Variants in MROH1 observed in about 807,000 individuals in gnomAD.
The protein encoded by MROH1 is maestro heat-like repeat-containing protein family member 1.
MROH1 carries 117 observed loss-of-function variants against 116.5 expected under a neutral mutation model. That is an observed-to-expected ratio of 1.00 (90% CI 0.86 to 1.17). The LOEUF is 1.17. MROH1 is among the 50% of genes most tolerant of loss of function. The probability of loss-of-function intolerance (pLI) is 0.00; values close to 1 mark genes in which losing one functional copy is unlikely to be tolerated. For synonymous variants in MROH1, 921 were observed against 583.9 expected (o/e 1.58, Z -8.32); for missense variants, 1,873 against 1,338.5 (o/e 1.40, Z -6.23).
chr8:144,192,402 G>C lies in MROH1; in HGVS notation c.948+1G>C. The C allele has an allele frequency of 2.5e-6, 4 of 1,584,196 alleles. No homozygotes were observed. The highest frequency in any genetic ancestry group is 3.4e-6 in the Non-Finnish European group (4 of 1,169,960). On this transcript the variant is annotated splice_donor_variant, in intron 10 of 43. Transcript: ENST00000326134. LOFTEE classifies it high-confidence loss of function. The stretch of plus-strand genomic sequence containing the variant: ...CCTCTTGGCTGCACTGCACTCCCAG[G>C]TAGGAGGCGGGCGTCAGGGGGCGGG...
Position 144,241,531 on chromosome 8 carries a change from C to T in MROH1, c.2178+14C>T, listed in dbSNP as rs1477225227. On this transcript the variant is annotated intron_variant, in intron 22 of 43. Transcript: ENST00000326134. ...AACATTTTTAAGGTTAGGGTGACAC[C>T]GGTGCAGGGCTGGGGACGGCTGTCT... 6.4e-6 allele frequency: 5 copies of T among 777,954 alleles called. No individual in the cohort carries two copies. The highest frequency in any genetic ancestry group is 2.4e-5 in the East Asian group (1 of 41,232). The allele number at this position is 777,954 out of a possible 1,614,324, so 48.2% of individuals were successfully genotyped here. A position where few individuals can be genotyped will look rare whatever the true frequency, so the allele number is the denominator to read the frequency against.
chr8:144,251,039 G>A (rs905504836), intron 33 of MROH1: 2 of 167,294 alleles, frequency 1.2e-5, no homozygotes, highest in East Asian at 1.7e-4. Flanking sequence ...TGTGACCTCC[G>A]GGAGACTCCA....
chr8:144,165,350 C>A (rs1211139293), intron 3 of MROH1, among the ~76,000 whole-genome samples: 1 of 152,002 alleles, frequency 6.6e-6, no homozygotes, highest in Non-Finnish European at 1.5e-5. Context: ...AACTCCTGAC[C>A]TCAGGTGATC....
intron 35 of MROH1, among the ~76,000 whole-genome samples, chr8:144,256,893 G>A (rs1328858327): frequency 1.3e-5 from 2 of 152,256 alleles, no homozygotes; most frequent in Non-Finnish European, 2.9e-5. Flanking sequence ...GCAGCCCCTG[G>A]TCCAGATGGG....
intron 12 of MROH1, among the ~76,000 whole-genome samples, chr8:144,212,116 C>T (rs1834249482): frequency 6.8e-6 from 1 of 146,806 alleles, no homozygotes; most frequent in South Asian, 2.1e-4. Flanking sequence ...TGGAGTCTCA[C>T]TCTGTCGCCC....
At chr8:144,178,586 C>T (rs1422283805) in intron 4 of MROH1, among the ~76,000 whole-genome samples, 1 of 152,174 alleles carries the variant, frequency 6.6e-6, no homozygotes, top group Non-Finnish European at 1.5e-5. Flanking sequence ...TGCAGGTCAC[C>T]TCTTTATAGC....
intron 32 of MROH1, 63 bp from the exon 33 acceptor site, chr8:144,250,149 C>A (rs1842616590): frequency 6.8e-6 from 5 of 732,578 alleles, no homozygotes; most frequent in Non-Finnish European, 1.2e-5. Context: ...CTTGGGCTGG[C>A]GTAGGTGTGC....
At chr8:144,244,179 C>T in intron 26 of MROH1, 43 bp from the exon 27 acceptor site, 1 of 713,640 alleles carries the variant, frequency 1.4e-6, no homozygotes. Flanking sequence ...GTCTGAGTTT[C>T]AGCCTTAGGA....
intron 12 of MROH1, among the ~76,000 whole-genome samples, chr8:144,216,684 C>CTTTTTTTTTTTTTT (rs71320815): frequency 7.0e-6 from 1 of 142,836 alleles, no homozygotes; most frequent in African/African-American, 2.8e-5. Context: ...TTTTTTACTG[C>CTTTTTTTTTTTTTT]TTTTTTTTTT....
At chr8:144,243,779 C>T in intron 25 of MROH1, 84 bp from the exon 26 acceptor site, 1 of 743,280 alleles carries the variant, frequency 1.3e-6, no homozygotes, top group Non-Finnish European at 2.5e-6. Context: ...CCCCGCCTGT[C>T]ACTTAGGCTG....
intron 26 of MROH1, 129 bp downstream of exon 26, chr8:144,244,071 TTGTG>T (rs1841471036): frequency 2.8e-6 from 2 of 707,226 alleles, no homozygotes; most frequent in Non-Finnish European, 2.6e-6. Flanking sequence ...TGTGCACGCC[TTGTG>T]TGTGCGCATG....
At chr8:144,242,876 A>G (rs1250321484) in intron 24 of MROH1, among the ~76,000 whole-genome samples, 1 of 143,536 alleles carries the variant, frequency 7.0e-6, no homozygotes, top group Non-Finnish European at 1.5e-5. Flanking sequence ...GTCGCCCCCC[A>G]GGGAGTTCAG....
Position 144,223,238 on chromosome 8 carries a change from G to A in MROH1, c.1338+8G>A. 1 of 1,593,282 alleles carries A rather than the reference G, an allele frequency of 6.3e-7. No individual in the cohort carries two copies. Among genetic ancestry groups the A allele is most frequent in the South Asian group, 1.1e-5 (1 of 88,048 alleles). On this transcript the variant is annotated splice_region_variant and intron_variant, in intron 14 of 43. Transcript: ENST00000326134. ...CTGCCCCCCGAGCAGGAGGTAAGGG[G>A]CTGCCACCTTGCCTGCCTCCTAGGC...
chr8:144,242,360 G>A lies in MROH1; in HGVS notation c.2179-9G>A, dbSNP rs1841156827. The A allele has an allele frequency of 1.3e-6, 1 of 780,700 alleles. No homozygotes were observed. The highest frequency in any genetic ancestry group is 2.4e-6 in the Non-Finnish European group (1 of 417,834). The allele number at this position is 780,700 out of a possible 1,614,324, so 48.4% of individuals were successfully genotyped here. A position where few individuals can be genotyped will look rare whatever the true frequency, so the allele number is the denominator to read the frequency against. On this transcript the variant is annotated splice_polypyrimidine_tract_variant and intron_variant, in intron 22 of 43. Coordinates refer to ENST00000326134, the MANE Select transcript of MROH1 (RefSeq NM_032450.3). Reference sequence around the variant, plus strand: ...AACTGAAGTCCCGCTGGTTCCTCTGGCCTCTCAGGATCGAAGTGAGAACGA... The same window carrying A: ...AACTGAAGTCCCGCTGGTTCCTCTGACCTCTCAGGATCGAAGTGAGAACGA...
chr8:144,209,863 G>A lies in MROH1; in HGVS notation c.1141+9322G>A, dbSNP rs1167158188. On this transcript the variant is annotated intron_variant, in intron 12 of 43. Coordinates refer to ENST00000326134, the MANE Select transcript of MROH1 (RefSeq NM_032450.3). Reference sequence around the variant, plus strand: ...CGAGGCTGCAGTGAGCTGTGACGGTGCCACTGCATTTCAGCCTTGGCTACA... The same window carrying A: ...CGAGGCTGCAGTGAGCTGTGACGGTACCACTGCATTTCAGCCTTGGCTACA... Among the ~76,000 whole-genome samples, 7 of 146,948 alleles carry A rather than the reference G, an allele frequency of 4.8e-5. No individual in the cohort carries two copies. The Admixed American group carries it at 4.9e-4, about 10-fold the overall frequency.
At chr8:144,219,097 A>G (rs1836158314) in intron 12 of MROH1, among the ~76,000 whole-genome samples, 1 of 150,764 alleles carries the variant, frequency 6.6e-6, no homozygotes, top group Non-Finnish European at 1.5e-5. Flanking sequence ...ATCTCAGCTC[A>G]CTGCAAGCTC....
chr8:144,229,119 A>G (rs1415582262), intron 14 of MROH1, among the ~76,000 whole-genome samples: 3 of 152,118 alleles, frequency 2.0e-5, no homozygotes, highest in Non-Finnish European at 4.4e-5. Context: ...TTCCAATTCT[A>G]ATTCTCTTAC....
chr8:144,244,540 G>A lies in MROH1; in HGVS notation c.2766+1G>A. The A allele has an allele frequency of 6.6e-6, 5 of 757,226 alleles. No individual in the cohort carries two copies. The highest frequency in any genetic ancestry group is 9.8e-6 in the Non-Finnish European group (4 of 406,344). 46.9% of individuals were successfully genotyped at this position (757,226 alleles called of 1,614,324 possible). A position where few individuals can be genotyped will look rare whatever the true frequency, so the allele number is the denominator to read the frequency against. ...CCAAGGCCTGCAGATCATGATTGAG[G>A]TGTGCAGGGGGGAACTGTCATGGGG... On this transcript the variant is annotated splice_donor_variant, in intron 28 of 43. Coordinates refer to ENST00000326134, the MANE Select transcript of MROH1 (RefSeq NM_032450.3). LOFTEE classifies it high-confidence loss of function.
chr8:144,169,064 C>T (rs1216775322), intron 4 of MROH1, among the ~76,000 whole-genome samples: 1 of 152,220 alleles, frequency 6.6e-6, no homozygotes, highest in African/African-American at 2.4e-5. Context: ...CCCAGGATTT[C>T]GGCCTCGCCT....
Sources: gnomAD v4.1 joint callset for allele counts (sites outside exome capture counted in the v4.1 genomes callset) on GRCh38, gnomAD v4.1.1 for gene constraint, MANE v1.5 for transcripts, NCBI Gene and HGNC (gene_info 2026-07-23, HGNC 2026-07-21) for gene names.